The following BPTF variants were observed in gnomAD, a reference collection of about 807,000 sequenced individuals.
BPTF encodes the protein bromodomain PHD finger transcription factor.
BPTF carries 18 observed loss-of-function variants against 292.5 expected under a neutral mutation model. The observed-to-expected ratio is 0.06, with a 90% confidence interval of 0.04 to 0.09. BPTF has a LOEUF of 0.09. Ranked by LOEUF, BPTF falls within the 10% of genes least tolerant of loss-of-function variation. BPTF has a pLI of 1.00. For missense variants in BPTF, 2,726 were observed against 3,498.7 expected (o/e 0.78, Z 5.57); for synonymous variants, 1,225 against 1,251.9 (o/e 0.98, Z 0.45).
In BPTF at chr17:67,856,542, T is replaced by G. The variant is rs533809920; in HGVS notation, c.1436+1780T>G. 2.6e-5 allele frequency among the ~76,000 whole-genome samples: 4 copies of G among 152,364 alleles called. No individual in the cohort carries two copies. The South Asian group carries it at 8.3e-4, about 32-fold the overall frequency. ...TGGTACTATGTAGCCAGTTGGAAGCTCTGAGCAAGTGGGTGGGCCTTATCA... is the reference window on the plus strand; with the variant it reads ...TGGTACTATGTAGCCAGTTGGAAGCGCTGAGCAAGTGGGTGGGCCTTATCA... On this transcript the variant is annotated intron_variant, in intron 2 of 27. Coordinates refer to ENST00000306378, the MANE Select transcript of BPTF (RefSeq NM_182641.4).
At chr17:67,855,989 G>A (rs959924129) in intron 2 of BPTF, among the ~76,000 whole-genome samples, 5 of 152,182 alleles carry the variant, frequency 3.3e-5, no homozygotes, top group African/African-American at 1.2e-4. Flanking sequence ...TTTCATCCAC[G>A]AGGTATTTTT....
chr17:67,931,350 A>G (rs1240500076), intron 17 of BPTF, among the ~76,000 whole-genome samples: 1 of 151,820 alleles, frequency 6.6e-6, no homozygotes, highest in African/African-American at 2.4e-5. Flanking sequence ...CCATTCACCC[A>G]TAGTCCTAGC....
chr17:67,889,898 C>T (rs1266664258), intron 4 of BPTF, among the ~76,000 whole-genome samples: 1 of 152,098 alleles, frequency 6.6e-6, no homozygotes, highest in Non-Finnish European at 1.5e-5. Flanking sequence ...TCCAAAGTGA[C>T]TTGCTTTCCA....
intron 22 of BPTF, 71 bp from the exon 23 acceptor site, chr17:67,948,010 T>C (rs1441505816): frequency 2.1e-6 from 3 of 1,455,680 alleles, no homozygotes; most frequent in Non-Finnish European, 1.9e-6. Context: ...TGTAGAGGCA[T>C]AGAAGAATGA....
intron 16 of BPTF, 79 bp downstream of exon 16, chr17:67,928,680 C>T: frequency 6.9e-7 from 1 of 1,456,794 alleles, no homozygotes; most frequent in South Asian, 1.4e-5. Flanking sequence ...TGAAATGAAA[C>T]ATTTTTTTAG....
chr17:67,959,268 C>T (rs994307453), intron 23 of BPTF, among the ~76,000 whole-genome samples: 2 of 152,230 alleles, frequency 1.3e-5, no homozygotes, highest in Non-Finnish European at 2.9e-5. Flanking sequence ...GAGGGACGCT[C>T]TTCCTAGCCA....
chr17:67,870,734 G>A (rs140674433), intron 3 of BPTF, among the ~76,000 whole-genome samples: 111 of 141,792 alleles, frequency 7.8e-4, no homozygotes, highest in African/African-American at 2.7e-3. Context: ...ACTTTGACTT[G>A]ATGTTAACCT....
intron 3 of BPTF, among the ~76,000 whole-genome samples, chr17:67,867,854 C>G (rs879714041): frequency 6.6e-6 from 1 of 152,066 alleles, no homozygotes; most frequent in African/African-American, 2.4e-5. Flanking sequence ...AGGCAGTGTT[C>G]GTCAGGTTTC....
At chr17:67,907,096 G>C (rs1434119563) in intron 9 of BPTF, among the ~76,000 whole-genome samples, 2 of 150,954 alleles carry the variant, frequency 1.3e-5, no homozygotes, top group African/African-American at 4.9e-5. Context: ...GATGAGGGAG[G>C]ATCGTTTGAG....
chr17:67,861,921 T>G (rs539422885), intron 2 of BPTF, among the ~76,000 whole-genome samples: 132 of 152,340 alleles, frequency 8.7e-4, no homozygotes, highest in African/African-American at 3.0e-3. Flanking sequence ...AACCCCTTTT[T>G]CTCTTGCATC....
At chr17:67,885,843 A>G (rs3935969) in intron 4 of BPTF, among the ~76,000 whole-genome samples, 46,265 of 151,910 alleles carry the variant, frequency 0.3, 8,394 homozygotes, top group East Asian at 0.66. Context: ...TGGGGTATCC[A>G]AAAAATTGTC....
In BPTF at chr17:67,966,552, ATGC is replaced by A. The variant is rs782657708; in HGVS notation, c.8455-15_8455-13del. 23 of 1,602,768 alleles carry A rather than the reference ATGC, an allele frequency of 1.4e-5. No homozygotes were observed. The highest frequency in any genetic ancestry group is 1.9e-5 in the Non-Finnish European group (22 of 1,170,368). ...ATTAGTGTTTTCACTGACAATAATGATGCTGCTTTTTCATTATAGGCCCATAAG... is the reference window on the plus strand; with the variant it reads ...ATTAGTGTTTTCACTGACAATAATGATGCTTTTTCATTATAGGCCCATAAG... On this transcript the variant is annotated splice_polypyrimidine_tract_variant and intron_variant, in intron 25 of 27. Transcript: ENST00000306378.
chr17:67,912,359 A>T lies in BPTF; in HGVS notation c.4475A>T (p.Asp1492Val), dbSNP rs2062710693. The change falls in exon 11 of 28, where the codon GAT becomes GTT. Residue 1492 changes from aspartate (D) to valine (V), a missense_variant. Physicochemically the swap from Asp to Val is radical, Grantham distance 152. Around this residue, in one of 22 missense-constraint regions of BPTF, gnomAD observed 713 missense variants for 714.9 expected, o/e 1.00. Coordinates refer to ENST00000306378, the MANE Select transcript of BPTF (RefSeq NM_182641.4). ...ETKSHLLSSS[D>V]AEGNYRDSLE... ...AAATCGCATTTGCTGAGTTCTTCAGATGCTGAAGGTAACTACCGAGATAGC... is the reference window on the plus strand; with the variant it reads ...AAATCGCATTTGCTGAGTTCTTCAGTTGCTGAAGGTAACTACCGAGATAGC... The T allele has an allele frequency of 6.2e-7, 1 of 1,614,146 alleles. No individual in the cohort carries two copies.
At chr17:67,916,597 A>G (rs1040602072) in intron 11 of BPTF, among the ~76,000 whole-genome samples, 1 of 151,686 alleles carries the variant, frequency 6.6e-6, no homozygotes, top group Non-Finnish European at 1.5e-5. Context: ...TCTCAAAAAA[A>G]TAATAATAAT....
At chr17:67,900,244 A>G (rs1047614228) in intron 7 of BPTF, among the ~76,000 whole-genome samples, 9 of 151,980 alleles carry the variant, frequency 5.9e-5, no homozygotes, top group African/African-American at 2.2e-4. Context: ...AGCTGGGATT[A>G]CAGACAAGTA....
chr17:67,873,368 G>T (rs2059865550), intron 3 of BPTF, among the ~76,000 whole-genome samples: 1 of 151,032 alleles, frequency 6.6e-6, no homozygotes, highest in Non-Finnish European at 1.5e-5. Flanking sequence ...TGGGGCAGGA[G>T]AATTGCTTGA....
intron 1 of BPTF, among the ~76,000 whole-genome samples, chr17:67,831,262 C>T (rs2056647716): frequency 6.6e-6 from 1 of 151,962 alleles, no homozygotes; most frequent in African/African-American, 2.4e-5. Context: ...TTACATATGC[C>T]TCCCTAAGAA....
At chr17:67,855,461 G>C (rs2058635255) in intron 2 of BPTF, among the ~76,000 whole-genome samples, 1 of 152,122 alleles carries the variant, frequency 6.6e-6, no homozygotes, top group Admixed American at 6.6e-5. Context: ...ATGTAAAATG[G>C]AACAGCAAGA....
chr17:67,980,762 C>G (rs1321601091), intron 27 of BPTF, among the ~76,000 whole-genome samples: 4 of 152,294 alleles, frequency 2.6e-5, no homozygotes, highest in African/African-American at 9.6e-5. Flanking sequence ...TGTCTTCTTG[C>G]CACGTGGTTA....
Sources: allele counts gnomAD v4.1 joint callset (sites outside exome capture counted in the v4.1 genomes callset), GRCh38; gene constraint gnomAD v4.1.1; regional missense constraint gnomAD v4.1.1; transcripts MANE v1.5; gene names NCBI Gene and HGNC (gene_info 2026-07-23, HGNC 2026-07-21).